BLOC1S3: variants seen among roughly 807,000 people sequenced by gnomAD.
BLOC1S3 encodes the protein biogenesis of lysosomal organelles complex 1 subunit 3.
BLOC1S3 carries 7 observed loss-of-function variants against 9.1 expected under a neutral mutation model. The ratio of observed to expected loss-of-function variants is 0.77; its 90% CI spans 0.44 to 1.45. The LOEUF (loss-of-function observed/expected upper bound fraction) is 1.45. Among genes scored for constraint, BLOC1S3 ranks in the 40% most tolerant of loss-of-function variants. The pLI, the probability that BLOC1S3 is intolerant of heterozygous loss-of-function variation, is 0.01. For synonymous variants in BLOC1S3, 145 were observed against 158.4 expected, an observed-to-expected ratio of 0.92 and a Z score of 0.64; for missense variants, 307 against 315.2, an observed-to-expected ratio of 0.97 and a Z score of 0.20.
rs530736333 is a variant in BLOC1S3 at position 45,212,598 on chromosome 19, C to CTTT, written n.283-4058_283-4056dup. 4.1e-3 allele frequency: 454 copies of CTTT among 111,262 alleles called. 2 individuals carry two copies. The highest frequency in any genetic ancestry group is 5.0e-3 in the Non-Finnish European group (289 of 58,066). 6.9% of individuals were successfully genotyped at this position (111,262 alleles called of 1,614,324 possible). ...CTCTTTGGCCTCTGTTTCCCCCTAC[C>CTTT]TTTTTTTTTTTTTTTTTTTTTTGAG... On this transcript the variant is annotated intron_variant and non_coding_transcript_variant, in intron 3 of 3. Transcript: ENST00000591569.
upstream of BLOC1S3, among the ~76,000 whole-genome samples, chr19:45,186,934 C>G (rs954512789): frequency 6.6e-6 from 1 of 152,198 alleles, no homozygotes; most frequent in Admixed American, 6.6e-5. Context: ...GCACTCAGCT[C>G]TGTATGGGCA....
chr19:45,186,412 C>T (rs1475424150), downstream of BLOC1S3, among the ~76,000 whole-genome samples: 4 of 152,108 alleles, frequency 2.6e-5, no homozygotes, highest in East Asian at 7.7e-4. Flanking sequence ...ATCCTCCTAC[C>T]TCGGCCTCCT....
intron 2 of BLOC1S3, among the ~76,000 whole-genome samples, chr19:45,192,038 C>T (rs1259541988): frequency 2.0e-5 from 3 of 152,216 alleles, no homozygotes; most frequent in Admixed American, 2.0e-4. Context: ...ATCACAGGTG[C>T]GCCCAGAGAT....
In BLOC1S3 at chr19:45,206,450, G is replaced by GTTTTTTTTGTTTTTTT. The variant is rs1969726492; in HGVS notation, n.282+3951_282+3952insGTTTTTTTTTTTTTTT. The stretch of plus-strand genomic sequence containing the variant: ...TTCCACCTTCTTTTGGATTAATCAA[G>GTTTTTTTTGTTTTTTT]TTTTTTTTTTTTTTTTTTTTTTTGA... On this transcript the variant is annotated intron_variant and non_coding_transcript_variant, in intron 3 of 3. Coordinates refer to the BLOC1S3 transcript ENST00000591569. 5.4e-5 allele frequency among the ~76,000 whole-genome samples: 3 copies of GTTTTTTTTGTTTTTTT among 55,152 alleles called. 1 individual carries two copies. The South Asian group carries it at 1.9e-3, about 36-fold the overall frequency. The allele number at this position is 55,152 out of a possible 152,430, so 36.2% of individuals were successfully genotyped here.
chr19:45,198,459 CT>C (rs1969665673), intron 2 of BLOC1S3, among the ~76,000 whole-genome samples: 1 of 151,722 alleles, frequency 6.6e-6, no homozygotes, highest in Non-Finnish European at 1.5e-5. Context: ...GCTCAGCTAA[CT>C]TTTTTGTATT....
chr19:45,216,084 G>A, intron 3 of BLOC1S3: 1 of 1,613,836 alleles, frequency 6.2e-7, no homozygotes, highest in Non-Finnish European at 8.5e-7. Context: ...TGATGTCTGG[G>A]TAGTCGCGCA....
chr19:45,196,899 A>AAAT (rs1969652706), intron 2 of BLOC1S3, among the ~76,000 whole-genome samples: 1 of 48,838 alleles, frequency 2.0e-5, no homozygotes. Flanking sequence ...AGACTGTCTC[A>AAAT]AAAAAAAAAA....
Position 45,179,908 on chromosome 19 carries a change from A to G in BLOC1S3, c.*3A>G, listed in dbSNP as rs1444892085. The stretch of plus-strand genomic sequence containing the variant: ...AAGACCCGGGGCCGCGGGCCTAGCC[A>G]TGATTCTACTTCCCAACCTGACTGC... On this transcript the variant is annotated 3_prime_UTR_variant, in exon 2 of 2. Coordinates refer to ENST00000433642, the MANE Select transcript of BLOC1S3 (RefSeq NM_212550.5). This position sits in a 1 kb window ranked among gnomAD's most constrained non-coding sequence, Gnocchi z 4.6. 5 of 1,607,218 alleles carry G rather than the reference A, an allele frequency of 3.1e-6. No homozygotes were observed. The highest frequency in any genetic ancestry group is 1.3e-5 in the African/African-American group (1 of 74,160).
At chr19:45,193,705 T>A (rs926234247) in intron 2 of BLOC1S3, among the ~76,000 whole-genome samples, 20 of 150,878 alleles carry the variant, frequency 1.3e-4, no homozygotes, top group Non-Finnish European at 2.4e-4. Flanking sequence ...GCTAGAGCCA[T>A]CTGTTTGACT....
At chr19:45,213,398 C>A in intron 3 of BLOC1S3, 1 of 1,603,084 alleles carries the variant, frequency 6.2e-7, no homozygotes, top group South Asian at 1.1e-5. Flanking sequence ...AGATCCCCAG[C>A]TCTAGACACA....
intron 3 of BLOC1S3, among the ~76,000 whole-genome samples, chr19:45,204,210 T>C (rs888612644): frequency 2.9e-5 from 4 of 139,282 alleles, no homozygotes; most frequent in African/African-American, 8.4e-5. Flanking sequence ...TTTTCTGAGA[T>C]GGAGTTTTGC....
chr19:45,195,095 G>A (rs772920634), intron 2 of BLOC1S3, among the ~76,000 whole-genome samples: 1 of 151,996 alleles, frequency 6.6e-6, no homozygotes, highest in African/African-American at 2.4e-5. Flanking sequence ...ACGTAGTAGA[G>A]ATGGGGTTTC....
At chr19:45,209,466 G>C (rs1203794506) in intron 3 of BLOC1S3, among the ~76,000 whole-genome samples, 1 of 152,012 alleles carries the variant, frequency 6.6e-6, no homozygotes, top group African/African-American at 2.4e-5. Flanking sequence ...CTGTCGCCCA[G>C]GTTGGAGTGC....
intron 3 of BLOC1S3, among the ~76,000 whole-genome samples, chr19:45,212,344 C>T (rs1969782300): frequency 6.6e-6 from 1 of 152,220 alleles, no homozygotes; most frequent in African/African-American, 2.4e-5. Context: ...TTCCTCCCCA[C>T]AACACACTCA....
At chr19:45,216,443 G>T (rs1044191845) in intron 3 of BLOC1S3, among the ~76,000 whole-genome samples, 2 of 152,078 alleles carry the variant, frequency 1.3e-5, no homozygotes, top group Non-Finnish European at 2.9e-5. Flanking sequence ...GCCAGGCGTG[G>T]TGGTGCACAC....
intron 2 of BLOC1S3, among the ~76,000 whole-genome samples, chr19:45,200,123 A>G (rs1969679024): frequency 2.0e-5 from 3 of 151,680 alleles, no homozygotes; most frequent in South Asian, 4.2e-4. Flanking sequence ...AGGTTGATCA[A>G]TTCTACTGTT....
At chr19:45,203,017 C>T (rs990330166) in intron 3 of BLOC1S3, among the ~76,000 whole-genome samples, 1 of 151,884 alleles carries the variant, frequency 6.6e-6, no homozygotes, top group Non-Finnish European at 1.5e-5. Context: ...GAGCTGGTAT[C>T]CAAGTTGCAA....
intron 3 of BLOC1S3, among the ~76,000 whole-genome samples, chr19:45,210,707 G>A (rs898501864): frequency 1.3e-5 from 2 of 151,946 alleles, no homozygotes; most frequent in African/African-American, 4.8e-5. Flanking sequence ...GGCTTCAGGC[G>A]ATCCTCCCAC....
At chr19:45,183,700 C>G (rs1969545505), downstream of BLOC1S3, among the ~76,000 whole-genome samples, 1 of 142,404 alleles carries the variant, frequency 7.0e-6, no homozygotes, top group Non-Finnish European at 1.5e-5. Flanking sequence ...GATCTCAGCT[C>G]ACTGCAACCT....
Sources: allele counts gnomAD v4.1 joint callset (sites outside exome capture counted in the v4.1 genomes callset), GRCh38; gene constraint gnomAD v4.1.1; non-coding constraint Gnocchi (gnomAD v3.1); transcripts MANE v1.5; gene names NCBI Gene and HGNC (gene_info 2026-07-23, HGNC 2026-07-21).